FAM117A: variants seen among roughly 807,000 people sequenced by gnomAD.
FAM117A encodes family with sequence similarity 117 member A.
In FAM117A, 21 loss-of-function variants were observed where a neutral mutation model predicts 44.1. That is an observed-to-expected ratio of 0.48 (90% CI 0.34 to 0.69). FAM117A has a LOEUF of 0.69. FAM117A is among the 30% of genes least tolerant of loss of function. FAM117A has a pLI of 0.01. For synonymous variants in FAM117A, 220 were observed against 238.3 expected (o/e 0.92, Z 0.71); for missense variants, 498 against 589.9 (o/e 0.84, Z 1.61).
chr17:49,745,031 A>AAC (rs1422096581), intron 1 of FAM117A, among the ~76,000 whole-genome samples: 1 of 150,304 alleles, frequency 6.7e-6, no homozygotes, highest in African/African-American at 2.4e-5. Context: ...AAAAAAAAAA[A>AAC]AACACACACA....
intron 1 of FAM117A, among the ~76,000 whole-genome samples, chr17:49,783,675 A>G (rs773722445): frequency 7.2e-5 from 11 of 152,362 alleles, no homozygotes; most frequent in Non-Finnish European, 1.6e-4. Flanking sequence ...TTTTTAAGGC[A>G]GCTGCAAATG....
At chr17:49,711,958 G>A (rs139209111) in intron 7 of FAM117A, among the ~76,000 whole-genome samples, 1 of 152,260 alleles carries the variant, frequency 6.6e-6, no homozygotes, top group Non-Finnish European at 1.5e-5. Flanking sequence ...CAGCCTGGCC[G>A]ACATGGTGAA....
rs561222071 is a variant in FAM117A, at chr17:49,753,558, G to C, written c.196+10334C>G. On this transcript the variant is annotated intron_variant, in intron 1 of 7. Transcript: ENST00000240364. ...AGGCCAGGCACGGTGGCTCACGCCTGTAATCCCAGCACTTTGGGAGGCTGG... is the reference window on the plus strand; with the variant it reads ...AGGCCAGGCACGGTGGCTCACGCCTCTAATCCCAGCACTTTGGGAGGCTGG... Among the ~76,000 whole-genome samples, 45 of 152,334 alleles carry C rather than the reference G, an allele frequency of 3.0e-4. 1 individual carries two copies. The South Asian group carries it at 5.6e-3, about 19-fold the overall frequency.
intron 1 of FAM117A, among the ~76,000 whole-genome samples, chr17:49,735,442 C>T (rs1342611670): frequency 6.6e-6 from 1 of 151,904 alleles, no homozygotes; most frequent in Non-Finnish European, 1.5e-5. Context: ...TTCACTGAAG[C>T]ATTTACATAC....
chr17:49,729,601 G>A (rs1232801419), intron 2 of FAM117A, among the ~76,000 whole-genome samples: 1 of 149,130 alleles, frequency 6.7e-6, no homozygotes, highest in East Asian at 2.0e-4. Context: ...CTGCCTCCGG[G>A]TTCAAGCGAT....
chr17:49,711,605 AACAG>A, intron 7 of FAM117A, 50 bp from the exon 8 acceptor site: 1 of 1,555,848 alleles, frequency 6.4e-7, no homozygotes, highest in Non-Finnish European at 8.8e-7. Flanking sequence ...CACAGAGAGA[AACAG>A]ACAGCGAGAG....
intron 1 of FAM117A, among the ~76,000 whole-genome samples, chr17:49,772,571 G>GT (rs966105761): frequency 6.6e-6 from 1 of 151,844 alleles, no homozygotes; most frequent in Non-Finnish European, 1.5e-5. Context: ...CTAACACGGT[G>GT]AAACCCCATC....
intron 1 of FAM117A, among the ~76,000 whole-genome samples, chr17:49,781,083 T>C (rs1021032820): frequency 2.0e-5 from 3 of 152,210 alleles, no homozygotes; most frequent in African/African-American, 2.4e-5. Context: ...CCCAAAGTGC[T>C]GGGATAACAG....
intron 6 of FAM117A, among the ~76,000 whole-genome samples, chr17:49,717,296 G>C (rs2073508855): frequency 6.6e-6 from 1 of 152,234 alleles, no homozygotes; most frequent in East Asian, 1.9e-4. Flanking sequence ...GGATTAAATA[G>C]AAGTATAAAT....
Position 49,760,058 on chromosome 17 carries a change from A to T in FAM117A, c.196+3834T>A, listed in dbSNP as rs185613922. On this transcript the variant is annotated intron_variant, in intron 1 of 7. Coordinates refer to ENST00000240364, the MANE Select transcript of FAM117A (RefSeq NM_030802.4). ...AGAGGAGAGGGGGCAAATTTGCCTA[A>T]CAGTTAAGCTTTTATATAAATTCAA... Among the ~76,000 whole-genome samples, 54 of 152,312 alleles carry T rather than the reference A, an allele frequency of 3.5e-4. No homozygotes were observed. The East Asian group carries it at 0.01, about 29-fold the overall frequency.
chr17:49,729,557 A>T (rs1033903539), intron 2 of FAM117A, among the ~76,000 whole-genome samples: 1 of 128,400 alleles, frequency 7.8e-6, no homozygotes, highest in African/African-American at 3.1e-5. Flanking sequence ...GCCAGGCTGG[A>T]GTGCAGTGGC....
chr17:49,741,466 G>A (rs987372253), intron 1 of FAM117A, among the ~76,000 whole-genome samples: 3 of 152,132 alleles, frequency 2.0e-5, no homozygotes, highest in South Asian at 2.1e-4. Context: ...GCACGAGCCT[G>A]CATATGTATT....
intron 1 of FAM117A, among the ~76,000 whole-genome samples, chr17:49,740,275 T>G (rs1598027536): frequency 4.9e-5 from 7 of 142,756 alleles, no homozygotes; most frequent in African/African-American, 1.1e-4. Context: ...TGAGAGGGAG[T>G]CTCACTCTGT....
chr17:49,735,877 A>G (rs1056006121), intron 1 of FAM117A, among the ~76,000 whole-genome samples: 1 of 152,234 alleles, frequency 6.6e-6, no homozygotes, highest in Non-Finnish European at 1.5e-5. Flanking sequence ...GCATAGTTCT[A>G]GATCATTCTC....
upstream of FAM117A, among the ~76,000 whole-genome samples, chr17:49,765,129 GAA>G (rs2073741484): frequency 6.6e-6 from 1 of 152,050 alleles, no homozygotes; most frequent in Non-Finnish European, 1.5e-5. Context: ...ATTTGGGAAA[GAA>G]AATAACATTT....
At chr17:49,776,934 A>G (rs931522847) in intron 1 of FAM117A, among the ~76,000 whole-genome samples, 1 of 152,238 alleles carries the variant, frequency 6.6e-6, no homozygotes, top group Admixed American at 6.5e-5. Flanking sequence ...TGAAACCACC[A>G]AAAATTCAAA....
chr17:49,786,975 T>G lies in FAM117A; in HGVS notation c.-621+1522A>C, dbSNP rs558141186. Among the ~76,000 whole-genome samples, 5 of 151,814 alleles carry G rather than the reference T, an allele frequency of 3.3e-5. No individual in the cohort carries two copies. The East Asian group carries it at 9.7e-4, about 29-fold the overall frequency. Reference sequence around the variant, plus strand: ...GGCACACGCCTGCAGTCCCAGCTACTCGGGAGGCTGAGGCAAGAGAATCCC... The same window carrying G: ...GGCACACGCCTGCAGTCCCAGCTACGCGGGAGGCTGAGGCAAGAGAATCCC... On this transcript the variant is annotated intron_variant, in intron 1 of 7. Transcript: ENST00000513602.
At chr17:49,762,249 A>C (rs1042955066) in intron 1 of FAM117A, among the ~76,000 whole-genome samples, 1 of 152,168 alleles carries the variant, frequency 6.6e-6, no homozygotes, top group Admixed American at 6.5e-5. Flanking sequence ...TTCCACTAAA[A>C]GTGACTAAGG....
intron 7 of FAM117A, among the ~76,000 whole-genome samples, chr17:49,713,121 C>G (rs373199419): frequency 9.9e-5 from 15 of 152,156 alleles, no homozygotes; most frequent in East Asian, 3.9e-4. Context: ...CTCCTGGGCT[C>G]AAGTGATCCT....
Sources: allele counts gnomAD v4.1 joint callset (sites outside exome capture counted in the v4.1 genomes callset), GRCh38; gene constraint gnomAD v4.1.1; transcripts MANE v1.5; gene names NCBI Gene and HGNC (gene_info 2026-07-23, HGNC 2026-07-21).